Variants in CBX1 observed in about 807,000 individuals in gnomAD.
The protein encoded by CBX1 is chromobox protein homolog 1.
CBX1 carries 10 observed loss-of-function variants against 25.1 expected under a neutral mutation model. The observed-to-expected ratio is 0.40, with a 90% CI of 0.25 to 0.68. The LOEUF (loss-of-function observed/expected upper bound fraction) is 0.68, where lower values mean the gene tolerates loss of function less well. Among genes scored for constraint, CBX1 ranks in the 30% least tolerant of loss-of-function variants. The pLI is 0.40. For synonymous variants in CBX1, 63 were observed against 79.4 expected, an observed-to-expected ratio of 0.79 and a Z score of 1.10; for missense variants, 106 against 218.5, an observed-to-expected ratio of 0.49 and a Z score of 3.25.
intron 1 of CBX1, among the ~76,000 whole-genome samples, chr17:48,098,025 T>G: frequency 6.6e-6 from 1 of 152,270 alleles, no homozygotes; most frequent in African/African-American, 2.4e-5. Flanking sequence ...CTGTATACCT[T>G]TTCTATATTT....
chr17:48,096,723 T>C (rs2144473172), intron 1 of CBX1, among the ~76,000 whole-genome samples: 1 of 151,986 alleles, frequency 6.6e-6, no homozygotes, highest in East Asian at 1.9e-4. Context: ...TGCAGTGAGC[T>C]GAGTGGAGTG....
chr17:48,084,728 G>A lies in CBX1; in HGVS notation c.-37-7687C>T, dbSNP rs937089922. 2.7e-5 allele frequency among the ~76,000 whole-genome samples: 4 copies of A among 149,484 alleles called. 1 individual carries two copies. Among genetic ancestry groups the A allele is most frequent in the African/African-American group, 7.7e-5 (3 of 39,188 alleles). ...GATCGAGACCATCCTGGCTAACATG[G>A]TGAAACCCCGTCTCTACTAAATGTA... On this transcript the variant is annotated intron_variant, in intron 1 of 4. Coordinates refer to ENST00000225603, the MANE Select transcript of CBX1 (RefSeq NM_001127228.2).
At chr17:48,078,224 T>G (rs940710341) in intron 1 of CBX1, among the ~76,000 whole-genome samples, 2 of 151,990 alleles carry the variant, frequency 1.3e-5, no homozygotes, top group Non-Finnish European at 2.9e-5. Flanking sequence ...GATGGAGTCT[T>G]GCTCTGCCCC....
chr17:48,078,354 A>G (rs1281723305), intron 1 of CBX1, among the ~76,000 whole-genome samples: 1 of 151,742 alleles, frequency 6.6e-6, no homozygotes, highest in Non-Finnish European at 1.5e-5. Flanking sequence ...CACCACGCCC[A>G]GCTAATTTTT....
intron 1 of CBX1, chr17:48,100,519 C>T (rs913197691): frequency 1.3e-5 from 2 of 156,730 alleles, no homozygotes; most frequent in East Asian, 1.9e-4. Flanking sequence ...GTATTCCATC[C>T]TTTCTTCGCA....
At chr17:48,098,767 C>T (rs1206732359) in intron 1 of CBX1, among the ~76,000 whole-genome samples, 1 of 152,166 alleles carries the variant, frequency 6.6e-6, no homozygotes, top group African/African-American at 2.4e-5. Flanking sequence ...TGGAAAGAAC[C>T]TATGAAGTGA....
At chr17:48,099,101 T>C (rs1262534466) in intron 1 of CBX1, among the ~76,000 whole-genome samples, 1 of 152,134 alleles carries the variant, frequency 6.6e-6, no homozygotes, top group Non-Finnish European at 1.5e-5. Flanking sequence ...CTACCTATCA[T>C]CTATCTTTTC....
Position 48,101,348 on chromosome 17 carries a change from G to T in CBX1, c.-118C>A. 3 of 986,108 alleles carry T rather than the reference G, an allele frequency of 3.0e-6. No individual in the cohort carries two copies. Among genetic ancestry groups the T allele is most frequent in the African/African-American group, 1.7e-5 (1 of 57,384 alleles). The allele number at this position is 986,108 out of a possible 1,614,324, so 61.1% of individuals were successfully genotyped here. On this transcript the variant is annotated 5_prime_UTR_variant, in exon 1 of 5. Transcript: ENST00000225603. ...GCGTCGGGTCGCCTGGGGGAGTGGC[G>T]CCCAGGAAGGCAGCAAGCCGGGTGG...
At chr17:48,101,023 C>G (rs570019162) in intron 1 of CBX1, 7 of 985,832 alleles carry the variant, frequency 7.1e-6, no homozygotes, top group East Asian at 1.1e-4. Flanking sequence ...CGGCCCACCC[C>G]CAAGCACTCA....
intron 1 of CBX1, among the ~76,000 whole-genome samples, chr17:48,083,527 ATCT>A (rs560862131): frequency 5.3e-5 from 8 of 150,472 alleles, no homozygotes; most frequent in Non-Finnish European, 1.0e-4. Context: ...CTCTTTAAAA[ATCT>A]TCTTATTGGC....
At chr17:48,087,290 T>C (rs894452871) in intron 1 of CBX1, among the ~76,000 whole-genome samples, 6 of 150,378 alleles carry the variant, frequency 4.0e-5, no homozygotes, top group African/African-American at 1.5e-4. Flanking sequence ...GAAATACAGA[T>C]GCCTGCCTGG....
chr17:48,086,876 G>A (rs970617884), intron 1 of CBX1, among the ~76,000 whole-genome samples: 10 of 151,284 alleles, frequency 6.6e-5, no homozygotes, highest in African/African-American at 2.4e-4. Flanking sequence ...AAAAGAAAAC[G>A]AAAAAGAAAA....
chr17:48,096,314 A>G (rs2144472417), intron 1 of CBX1: 1 of 983,678 alleles, frequency 1.0e-6, no homozygotes, highest in East Asian at 1.1e-4. Context: ...GTATGTTGAC[A>G]TGGATATTTT....
At position 48,070,935 on chromosome 17, in the gene CBX1, AG is replaced by A. The variant is rs1394998806; in HGVS notation, c.*499del. 6.6e-6 allele frequency: 1 copy of A among 152,604 alleles called. No individual in the cohort carries two copies. The highest frequency in any genetic ancestry group is 2.4e-5 in the African/African-American group (1 of 41,390). 9.5% of individuals were successfully genotyped at this position (152,604 alleles called of 1,614,324 possible). A position where few individuals can be genotyped will look rare whatever the true frequency, so the allele number is the denominator to read the frequency against. ...CCATTGCTTCACCATTTCCCCTATCAGGCCCCAAATGTTAATCAAAATGATG... is the reference window on the plus strand; with the variant it reads ...CCATTGCTTCACCATTTCCCCTATCAGCCCCAAATGTTAATCAAAATGATG... On this transcript the variant is annotated 3_prime_UTR_variant, in exon 5 of 5. Transcript: ENST00000225603.
At chr17:48,088,664 T>C (rs1813181870) in intron 1 of CBX1, 1 of 151,874 alleles carries the variant, frequency 6.6e-6, no homozygotes, top group Admixed American at 6.6e-5. Context: ...TTTGATTTTT[T>C]TAAAAAAATA....
chr17:48,075,098 T>A lies in CBX1; in HGVS notation c.321A>T (p.Ser107=). ...CTCGAGCAAAGCCTCGTGGCTTTTC[T>A]GACTGTAAAAACAAGATGGGTAGAA... is the stretch of plus-strand genomic sequence containing the variant. ...ESKPKKKKEE[S]EKPRGFARGL... is the part of the protein sequence containing the mutation. The change falls in exon 4 of 5, where the codon TCA becomes TCT. Residue 107 remains serine (S), a splice_region_variant and synonymous_variant. Transcript: ENST00000225603. 1 of 1,612,758 alleles carries A rather than the reference T, an allele frequency of 6.2e-7. No individual in the cohort carries two copies. The highest frequency in any genetic ancestry group is 8.5e-7 in the Non-Finnish European group (1 of 1,178,738).
intron 4 of CBX1, among the ~76,000 whole-genome samples, chr17:48,073,186 G>A (rs183758545): frequency 1.1e-4 from 16 of 151,996 alleles, no homozygotes; most frequent in Admixed American, 2.0e-4. Context: ...AAGCAGTAGC[G>A]TAAAGCAAGC....
intron 1 of CBX1, among the ~76,000 whole-genome samples, chr17:48,091,508 G>A (rs1289874628): frequency 1.3e-5 from 2 of 148,828 alleles, no homozygotes; most frequent in African/African-American, 5.0e-5. Context: ...CCAAGTAGCT[G>A]GGATTACAGG....
At chr17:48,094,718 AC>A (rs1157233918) in intron 1 of CBX1, among the ~76,000 whole-genome samples, 2 of 148,892 alleles carry the variant, frequency 1.3e-5, no homozygotes, top group African/African-American at 5.0e-5. Flanking sequence ...TGGGTGACGG[AC>A]CAAGACTCTG....
Sources: gnomAD v4.1 joint callset for allele counts (sites outside exome capture counted in the v4.1 genomes callset) on GRCh38, gnomAD v4.1.1 for gene constraint, MANE v1.5 for transcripts, NCBI Gene and HGNC (gene_info 2026-07-23, HGNC 2026-07-21) for gene names.